The following PKD2 variants were observed in gnomAD, a reference collection of about 807,000 sequenced individuals.
PKD2 encodes polycystin 2, transient receptor potential cation channel, also known as polycystin-2.
In PKD2, 48 loss-of-function variants were observed where a neutral mutation model predicts 105.9. The ratio of observed to expected loss-of-function variants is 0.45; its 90% confidence interval spans 0.36 to 0.58. PKD2 has a LOEUF of 0.58. Among genes scored for constraint, PKD2 ranks in the 20% least tolerant of loss-of-function variants. PKD2 has a pLI of 0.00. For missense variants in PKD2, 1,078 were observed against 1,255.3 expected (o/e 0.86, Z 2.13); for synonymous variants, 464 against 481.1 (o/e 0.96, Z 0.46).
At chr4:88,044,179 G>A (rs1727684417) in intron 5 of PKD2, among the ~76,000 whole-genome samples, 1 of 152,108 alleles carries the variant, frequency 6.6e-6, no homozygotes, top group Non-Finnish European at 1.5e-5. Context: ...CCAACCAGGA[G>A]GAGACTAGAG....
At chr4:88,035,442 G>A (rs532751644) in intron 2 of PKD2, among the ~76,000 whole-genome samples, 1 of 152,182 alleles carries the variant, frequency 6.6e-6, no homozygotes, top group South Asian at 2.1e-4. Context: ...ATGTGGTGGG[G>A]TTAAGAGAAC....
In PKD2 at chr4:88,077,077, G is replaced by A. The variant is rs1295780530; in HGVS notation, c.*1383G>A. The A allele has an allele frequency of 6.6e-6, 1 of 152,162 alleles. No individual in the cohort carries two copies. The highest frequency in any genetic ancestry group is 1.5e-5 in the Non-Finnish European group (1 of 68,026). 9.4% of individuals were successfully genotyped at this position (152,162 alleles called of 1,614,324 possible). A position where few individuals can be genotyped will look rare whatever the true frequency, so the allele number is the denominator to read the frequency against. Reference sequence around the variant, plus strand: ...TTCTTTTACAGAAATGTTGAGTAAGGTGACATTTTGAGCGCTAATAAGCAA... The same window carrying A: ...TTCTTTTACAGAAATGTTGAGTAAGATGACATTTTGAGCGCTAATAAGCAA... On this transcript the variant is annotated 3_prime_UTR_variant, in exon 15 of 15. Coordinates refer to ENST00000237596, the MANE Select transcript of PKD2 (RefSeq NM_000297.4).
At chr4:88,046,198 G>C (rs757116744) in intron 5 of PKD2, among the ~76,000 whole-genome samples, 9 of 152,088 alleles carry the variant, frequency 5.9e-5, no homozygotes, top group Non-Finnish European at 1.0e-4. Context: ...GCTAAGGCAG[G>C]AGAATCCCTT....
chr4:88,012,385 CAGTAGTGCCCAA>C (rs1726412960), intron 1 of PKD2, among the ~76,000 whole-genome samples: 1 of 152,112 alleles, frequency 6.6e-6, no homozygotes, highest in African/African-American at 2.4e-5. Flanking sequence ...TGCTATATGC[CAGTAGTGCCCAA>C]ACCTAACTTT....
intron 2 of PKD2, among the ~76,000 whole-genome samples, chr4:88,033,645 A>T (rs541061316): frequency 3.3e-5 from 5 of 152,314 alleles, no homozygotes; most frequent in African/African-American, 1.2e-4. Flanking sequence ...TTCAATTTAC[A>T]TACTTATATA....
At chr4:88,017,006 T>C (rs771558952) in intron 1 of PKD2, among the ~76,000 whole-genome samples, 1 of 148,602 alleles carries the variant, frequency 6.7e-6, no homozygotes, top group Non-Finnish European at 1.5e-5. Flanking sequence ...AGAAAGAAAA[T>C]ATATGGATGT....
rs1417296239 is a variant in PKD2, at chr4:88,062,459, C to T, written c.2118+455C>T. ...TTCACCCTTTACCCTTGACCTTCCA[C>T]GGCAGTTTTAAAATAAGCAAAGGAA... On this transcript the variant is annotated intron_variant, in intron 10 of 14. Coordinates refer to ENST00000237596, the MANE Select transcript of PKD2 (RefSeq NM_000297.4). Among the ~76,000 whole-genome samples the T allele has an allele frequency of 2.0e-5, 3 of 152,320 alleles. 1 individual carries two copies. Among genetic ancestry groups the T allele is most frequent in the South Asian group, 4.1e-4 (2 of 4,828 alleles).
In PKD2 at chr4:88,062,248, A is replaced by G. The variant is rs144863220; in HGVS notation, c.2118+244A>G. 1.4e-4 allele frequency among the ~76,000 whole-genome samples: 22 copies of G among 152,292 alleles called. No homozygotes were observed. In the East Asian group the frequency reaches 4.3e-3, roughly 29 times the overall value. Reference sequence around the variant, plus strand: ...ATTAAATTCTCAACAATCTTTTGACACTTTAAGAGCTGAGCTGAAGGTTCA... The same window carrying G: ...ATTAAATTCTCAACAATCTTTTGACGCTTTAAGAGCTGAGCTGAAGGTTCA... On this transcript the variant is annotated intron_variant, in intron 10 of 14. Transcript: ENST00000237596.
intron 1 of PKD2, among the ~76,000 whole-genome samples, chr4:88,011,235 T>C (rs1726371394): frequency 6.6e-6 from 1 of 152,192 alleles, no homozygotes; most frequent in Non-Finnish European, 1.5e-5. Flanking sequence ...AGTCATAAAA[T>C]TTTCTGAATT....
chr4:88,044,012 A>G (rs1727675832), intron 5 of PKD2, among the ~76,000 whole-genome samples: 3 of 152,202 alleles, frequency 2.0e-5, no homozygotes, highest in African/African-American at 7.2e-5. Flanking sequence ...GATAGTAACA[A>G]AAATGACAAA....
At chr4:88,038,866 A>G (rs559610127) in intron 4 of PKD2, among the ~76,000 whole-genome samples, 1 of 152,022 alleles carries the variant, frequency 6.6e-6, no homozygotes, top group East Asian at 1.9e-4. Flanking sequence ...TGGTTCAGGA[A>G]CTCTTTTTAT....
At chr4:88,036,409 C>T in intron 3 of PKD2, 56 bp downstream of exon 3, 1 of 1,608,558 alleles carries the variant, frequency 6.2e-7, no homozygotes, top group Non-Finnish European at 8.5e-7. Context: ...GTTCATTTGG[C>T]TTCATCATTT....
At chr4:88,041,346 C>T (rs1211388884) in intron 4 of PKD2, among the ~76,000 whole-genome samples, 3 of 152,158 alleles carry the variant, frequency 2.0e-5, no homozygotes, top group African/African-American at 7.2e-5. Context: ...TTGGTTATTG[C>T]AGACTTTGCT....
At chr4:88,018,683 A>G (rs1163036050) in intron 1 of PKD2, among the ~76,000 whole-genome samples, 1 of 152,102 alleles carries the variant, frequency 6.6e-6, no homozygotes, top group Admixed American at 6.5e-5. Context: ...CAGCAAGCTC[A>G]TGGAGGGTTA....
At chr4:88,013,418 A>C (rs1726450718) in intron 1 of PKD2, among the ~76,000 whole-genome samples, 1 of 152,240 alleles carries the variant, frequency 6.6e-6, no homozygotes, top group Admixed American at 6.5e-5. Context: ...ATTCCAGCAA[A>C]GAGAGGATAA....
At chr4:88,065,987 C>A in intron 12 of PKD2, 108 bp downstream of exon 12, 1 of 760,630 alleles carries the variant, frequency 1.3e-6, no homozygotes, top group Admixed American at 1.8e-5. Flanking sequence ...CATTCCCCAC[C>A]ACACTCTCTC....
chr4:88,048,877 T>C lies in PKD2; in HGVS notation c.1548+2007T>C, dbSNP rs567523582. ...TGGAAATAATTTTTCAGAATATTTC[T>C]GTTCGGATTGATGGCAGAGTGCAGG... On this transcript the variant is annotated intron_variant, in intron 6 of 14. Coordinates refer to ENST00000237596, the MANE Select transcript of PKD2 (RefSeq NM_000297.4). Among the ~76,000 whole-genome samples the C allele has an allele frequency of 4.6e-5, 7 of 152,388 alleles. No homozygotes were observed. The East Asian group carries it at 1.3e-3, about 29-fold the overall frequency.
intron 6 of PKD2, among the ~76,000 whole-genome samples, chr4:88,050,745 T>G (rs1720056391): frequency 6.6e-6 from 1 of 152,128 alleles, no homozygotes; most frequent in Admixed American, 6.5e-5. Context: ...ACTGCAGGCC[T>G]TCTTGAGTCT....
intron 2 of PKD2, among the ~76,000 whole-genome samples, chr4:88,030,588 CCTTT>C (rs1260250746): frequency 6.6e-6 from 1 of 152,224 alleles, no homozygotes; most frequent in Admixed American, 6.5e-5. Flanking sequence ...CGTACACTGT[CCTTT>C]CTGTCATTCT....
Sources: gnomAD v4.1 joint callset for allele counts (sites outside exome capture counted in the v4.1 genomes callset) on GRCh38, gnomAD v4.1.1 for gene constraint, MANE v1.5 for transcripts, NCBI Gene and HGNC (gene_info 2026-07-23, HGNC 2026-07-21) for gene names.